The following DMXL2 variants were observed in gnomAD, a reference collection of about 807,000 sequenced individuals.
The protein encoded by DMXL2 is dmX-like protein 2.
Under a neutral mutation model 331.1 loss-of-function variants are expected in DMXL2, and 103 were observed. The observed-to-expected ratio is 0.31, with a 90% CI of 0.27 to 0.37. The LOEUF is 0.37. DMXL2 is among the 10% of genes least tolerant of loss of function. The pLI is 1.00. For synonymous variants in DMXL2, 1,281 were observed against 1,252.1 expected (o/e 1.02, Z -0.49); for missense variants, 3,171 against 3,642.9 (o/e 0.87, Z 3.33).
chr15:51,471,371 TTATC>T lies in DMXL2; in HGVS notation c.7240_7243del (p.Asp2414AsnfsTer8), dbSNP rs1246909049. On this transcript the variant is annotated frameshift_variant, in exon 29 of 44. Coordinates refer to ENST00000560891, the MANE Select transcript of DMXL2 (RefSeq NM_001378457.1). LOFTEE classifies it high-confidence loss of function. The stretch of plus-strand genomic sequence containing the variant: ...TCTCATGTTAAATCTCCTACGGTGT[TTATC>T]TATGTCTTCAGAAAGGACAGGAGGT... 6.2e-7 allele frequency: 1 copy of T among 1,613,202 alleles called. No homozygotes were observed. The highest frequency in any genetic ancestry group is 1.3e-5 in the African/African-American group (1 of 75,028).
intron 18 of DMXL2, among the ~76,000 whole-genome samples, chr15:51,498,234 T>C (rs1010675533): frequency 1.3e-5 from 2 of 152,020 alleles, no homozygotes; most frequent in Non-Finnish European, 2.9e-5. Context: ...AGCAAGACCC[T>C]GTCTCAAAAA....
chr15:51,455,082 G>A, intron 40 of DMXL2, 69 bp downstream of exon 40: 1 of 1,270,970 alleles, frequency 7.9e-7, no homozygotes, highest in South Asian at 1.2e-5. Context: ...GAGATTCACT[G>A]TCTGAAACAG....
chr15:51,542,414 G>T lies in DMXL2; in HGVS notation c.1024C>A (p.His342Asn), dbSNP rs2048648701. ...TGGGAAATGTGTCTTTGAACTTCAT[G>T]CATTGCTGTCTGGTCGGGCATTAAT... ...AELMPDQTAM[H>N]EVQRHISHHA... is the part of the protein sequence containing the mutation. The change falls in exon 9 of 44, where the codon CAT becomes AAT. Residue 342 changes from histidine to asparagine, a missense_variant. This residue lies in a region of DMXL2 where 1,674 missense variants were observed against 1,780.2 expected (regional missense o/e 0.94). Coordinates refer to ENST00000560891, the MANE Select transcript of DMXL2 (RefSeq NM_001378457.1). 2 of 1,613,724 alleles carry T rather than the reference G, an allele frequency of 1.2e-6. No homozygotes were observed. The highest frequency in any genetic ancestry group is 1.7e-4 in the Middle Eastern group (1 of 6,058).
intron 6 of DMXL2, among the ~76,000 whole-genome samples, chr15:51,553,801 AAGAGT>A (rs200970140): frequency 0.019 from 2,891 of 152,086 alleles, 90 homozygotes; most frequent in African/African-American, 0.065. Context: ...AAAAAAAAAA[AAGAGT>A]AGAGTATACA....
At chr15:51,462,497 G>A (rs1175501991) in intron 33 of DMXL2, among the ~76,000 whole-genome samples, 2 of 151,942 alleles carry the variant, frequency 1.3e-5, no homozygotes, top group Non-Finnish European at 2.9e-5. Context: ...CACCACGCCC[G>A]GCTAATCTTT....
chr15:51,451,975 C>CTTTTATATCCCCAGGTG (rs1373123437), intron 41 of DMXL2, among the ~76,000 whole-genome samples: 31 of 152,300 alleles, frequency 2.0e-4, no homozygotes, highest in African/African-American at 7.2e-4. Flanking sequence ...ATAAGGAATG[C>CTTTTATATCCCCAGGTG]TTTTATATCC....
rs772758113 is a variant in DMXL2, at chr15:51,499,446, A to G, written c.3778T>C (p.Leu1260=). The G allele has an allele frequency of 1.2e-6, 2 of 1,614,038 alleles. No individual in the cohort carries two copies. Among genetic ancestry groups the G allele is most frequent in the Admixed American group, 1.7e-5 (1 of 60,022 alleles). ...VSLSWVRDGI[L]VVGMDCEMHV... ...ATTTCACAATCCATTCCTACCACCAATATCCCATCTCTTACCCAAGAGAGA... is the reference window on the plus strand; with the variant it reads ...ATTTCACAATCCATTCCTACCACCAGTATCCCATCTCTTACCCAAGAGAGA... Residue 1260 remains leucine, a synonymous_variant, in exon 18 of 44, where the codon TTG becomes CTG. Transcript: ENST00000560891.
intron 1 of DMXL2, among the ~76,000 whole-genome samples, chr15:51,609,308 G>C (rs892838867): frequency 6.6e-6 from 1 of 152,228 alleles, no homozygotes; most frequent in Non-Finnish European, 1.5e-5. Flanking sequence ...ATTACATTAA[G>C]TATAAATGAA....
chr15:51,534,540 A>G (rs2048180585), intron 13 of DMXL2, among the ~76,000 whole-genome samples: 1 of 152,238 alleles, frequency 6.6e-6, no homozygotes, highest in Admixed American at 6.5e-5. Flanking sequence ...CGATGGCCAG[A>G]TGACAAATTG....
intron 23 of DMXL2, among the ~76,000 whole-genome samples, chr15:51,485,827 C>T (rs571003401): frequency 7.8e-4 from 119 of 152,180 alleles, no homozygotes; most frequent in Middle Eastern, 3.4e-3. Context: ...AAAAAAATGG[C>T]TATATGATTA....
chr15:51,535,427 C>A (rs574822831), intron 13 of DMXL2, among the ~76,000 whole-genome samples: 1 of 152,114 alleles, frequency 6.6e-6, no homozygotes, highest in Non-Finnish European at 1.5e-5. Flanking sequence ...GAAAAAAATC[C>A]TTTTTATTTC....
intron 2 of DMXL2, among the ~76,000 whole-genome samples, chr15:51,571,616 T>C (rs2141100201): frequency 6.6e-6 from 1 of 152,246 alleles, no homozygotes; most frequent in African/African-American, 2.4e-5. Context: ...ATATTAGAAC[T>C]CAGAATTAAG....
rs569394801 is a variant in DMXL2 at position 51,495,415 on chromosome 15, T to C, written c.4673-281A>G. Among the ~76,000 whole-genome samples, 3 of 152,274 alleles carry C rather than the reference T, an allele frequency of 2.0e-5. No homozygotes were observed. In the East Asian group the frequency reaches 5.8e-4, roughly 29 times the overall value. The stretch of plus-strand genomic sequence containing the variant: ...ATTGACTCATAATAAATGAAAGACA[T>C]CTGGAAATCCAATAAAAAATATATT... On this transcript the variant is annotated intron_variant, in intron 18 of 43. Transcript: ENST00000560891.
intron 8 of DMXL2, among the ~76,000 whole-genome samples, chr15:51,543,857 C>T (rs1024920445): frequency 1.3e-5 from 2 of 151,984 alleles, no homozygotes; most frequent in African/African-American, 4.8e-5. Flanking sequence ...TTCAATTTAA[C>T]AAACACTTGA....
intron 13 of DMXL2, among the ~76,000 whole-genome samples, chr15:51,527,781 C>T (rs577112808): frequency 6.7e-6 from 1 of 148,166 alleles, no homozygotes; most frequent in Admixed American, 6.7e-5. Flanking sequence ...AGTAAGTACA[C>T]AGAAAAACAC....
In DMXL2 at chr15:51,450,427, A is replaced by G. The variant is rs372606379; in HGVS notation, c.8750-81T>C. The G allele has an allele frequency of 3.1e-5, 40 of 1,292,590 alleles. No homozygotes were observed. In the African/African-American group the frequency reaches 5.3e-4, roughly 17 times the overall value. The allele number at this position is 1,292,590 out of a possible 1,614,324, so 80.1% of individuals were successfully genotyped here. A position where few individuals can be genotyped will look rare whatever the true frequency, so the allele number is the denominator to read the frequency against. On this transcript the variant is annotated intron_variant, in intron 42 of 43. Transcript: ENST00000560891. Reference sequence around the variant, plus strand: ...ATGATGTCTACATCCACATTTAAATACAGACCTTACTGATGCATTTTTCAT... The same window carrying G: ...ATGATGTCTACATCCACATTTAAATGCAGACCTTACTGATGCATTTTTCAT...
At chr15:51,621,627 A>G (rs987463980) in intron 1 of DMXL2, among the ~76,000 whole-genome samples, 6 of 152,250 alleles carry the variant, frequency 3.9e-5, no homozygotes, top group East Asian at 1.9e-4. Flanking sequence ...GATGAGTCCA[A>G]TCTCCTTGAG....
intron 1 of DMXL2, among the ~76,000 whole-genome samples, chr15:51,615,463 G>A (rs1052923106): frequency 9.2e-5 from 14 of 152,178 alleles, no homozygotes; most frequent in African/African-American, 3.4e-4. Flanking sequence ...CATTGTGGAG[G>A]ACTATCCCGT....
chr15:51,591,410 T>C (rs2052320773), intron 1 of DMXL2, among the ~76,000 whole-genome samples: 1 of 152,082 alleles, frequency 6.6e-6, no homozygotes, highest in South Asian at 2.1e-4. Context: ...TGCCCAGCCT[T>C]GAGTAGGTAA....
Sources: gnomAD v4.1 joint callset for allele counts (sites outside exome capture counted in the v4.1 genomes callset) on GRCh38, gnomAD v4.1.1 for gene constraint, gnomAD v4.1.1 regional missense constraint, MANE v1.5 for transcripts, NCBI Gene and HGNC (gene_info 2026-07-23, HGNC 2026-07-21) for gene names.